TMC1: variants seen among roughly 807,000 people sequenced by gnomAD.
TMC1 encodes the protein transmembrane channel like 1, also known as transmembrane channel-like protein 1.
TMC1 carries 84 observed loss-of-function variants against 105.8 expected under a neutral mutation model. The ratio of observed to expected loss-of-function variants is 0.79; its 90% CI spans 0.67 to 0.95. TMC1 has a LOEUF of 0.95. Ranked by LOEUF, TMC1 falls within the 40% of genes least tolerant of loss-of-function variation. The pLI is 0.00. For synonymous variants in TMC1, 315 were observed against 311.5 expected (o/e 1.01, Z -0.12); for missense variants, 817 against 914.1 (o/e 0.89, Z 1.37).
chr9:72,751,436 A>G (rs1282781873), intron 10 of TMC1, among the ~76,000 whole-genome samples: 2 of 152,242 alleles, frequency 1.3e-5, no homozygotes, highest in Admixed American at 1.3e-4. Flanking sequence ...AAATAGCAGT[A>G]ATTATAATTA....
chr9:72,835,751 C>A (rs533609943), intron 23 of TMC1, among the ~76,000 whole-genome samples, 200 bp from the exon 24 acceptor site: 1 of 147,820 alleles, frequency 6.8e-6, no homozygotes, highest in East Asian at 2.0e-4. Context: ...CCTTTGCAAA[C>A]TAAGAAACAT....
chr9:72,801,157 C>G (rs1404399208), intron 17 of TMC1, among the ~76,000 whole-genome samples: 1 of 152,110 alleles, frequency 6.6e-6, no homozygotes, highest in Non-Finnish European at 1.5e-5. Context: ...AATGTGATTG[C>G]TCCTTTACTT....
chr9:72,822,491 G>T (rs1216135389), intron 20 of TMC1, among the ~76,000 whole-genome samples: 2 of 149,914 alleles, frequency 1.3e-5, no homozygotes, highest in Non-Finnish European at 3.0e-5. Context: ...GAGAACTGAT[G>T]TTGAGAAGCT....
chr9:72,756,524 A>G (rs1434844021), intron 12 of TMC1, among the ~76,000 whole-genome samples: 2 of 151,160 alleles, frequency 1.3e-5, no homozygotes, highest in Middle Eastern at 3.2e-3. Flanking sequence ...CCCTTTATTT[A>G]TCTCTCTCAC....
At chr9:72,791,203 C>G (rs533081598) in intron 15 of TMC1, among the ~76,000 whole-genome samples, 3 of 151,916 alleles carry the variant, frequency 2.0e-5, no homozygotes, top group Non-Finnish European at 2.9e-5. Flanking sequence ...CTCTCTCCCC[C>G]CTCTCCCCAC....
In TMC1 at chr9:72,730,711, T is replaced by C. The variant is rs562146555; in HGVS notation, c.363-9408T>C. Among the ~76,000 whole-genome samples, 4 of 152,288 alleles carry C rather than the reference T, an allele frequency of 2.6e-5. 1 individual carries two copies. In the South Asian group the frequency reaches 8.3e-4, roughly 32 times the overall value. On this transcript the variant is annotated intron_variant, in intron 8 of 23. Coordinates refer to ENST00000297784, the MANE Select transcript of TMC1 (RefSeq NM_138691.3). ...ATTGTAATATATAATGAAATAATTATACAACTCACCATAATGTGGAATCAG... is the reference window on the plus strand; with the variant it reads ...ATTGTAATATATAATGAAATAATTACACAACTCACCATAATGTGGAATCAG...
At chr9:72,575,624 A>G (rs182579644) in intron 1 of TMC1, among the ~76,000 whole-genome samples, 1 of 152,322 alleles carries the variant, frequency 6.6e-6, no homozygotes, top group African/African-American at 2.4e-5. Flanking sequence ...AAGCACACAC[A>G]CAGATGGTTT....
At chr9:72,698,952 G>A (rs998882586) in intron 7 of TMC1, among the ~76,000 whole-genome samples, 2 of 152,088 alleles carry the variant, frequency 1.3e-5, no homozygotes, top group East Asian at 3.9e-4. Flanking sequence ...GAAGCAGAGA[G>A]GAAGCCACAG....
At chr9:72,764,086 A>G (rs1458710330) in intron 12 of TMC1, among the ~76,000 whole-genome samples, 1 of 152,236 alleles carries the variant, frequency 6.6e-6, no homozygotes, top group Non-Finnish European at 1.5e-5. Flanking sequence ...ATTTAAACAC[A>G]TAGCACCAAA....
At chr9:72,525,371 TAA>T (rs1823387905) in intron 1 of TMC1, among the ~76,000 whole-genome samples, 1 of 152,176 alleles carries the variant, frequency 6.6e-6, no homozygotes, top group African/African-American at 2.4e-5. Flanking sequence ...CTTCATTGGC[TAA>T]AAAGTGAACC....
At chr9:72,778,889 G>C (rs894023012) in intron 13 of TMC1, among the ~76,000 whole-genome samples, 2 of 152,108 alleles carry the variant, frequency 1.3e-5, no homozygotes, top group Non-Finnish European at 2.9e-5. Flanking sequence ...CTGAAGACAA[G>C]CCTCCACCCG....
chr9:72,551,355 T>C (rs932198024), intron 1 of TMC1, among the ~76,000 whole-genome samples: 2 of 152,080 alleles, frequency 1.3e-5, no homozygotes, highest in African/African-American at 4.8e-5. Context: ...AAAGATCTTA[T>C]AGGGAAAGCA....
chr9:72,640,414 G>A (rs544178628), intron 4 of TMC1, among the ~76,000 whole-genome samples: 38 of 152,100 alleles, frequency 2.5e-4, no homozygotes, highest in Non-Finnish European at 2.9e-5. Flanking sequence ...AGCTATCCAG[G>A]CATCATCATG....
chr9:72,677,676 AT>A (rs1826224208), intron 5 of TMC1, among the ~76,000 whole-genome samples: 1 of 151,888 alleles, frequency 6.6e-6, no homozygotes, highest in Admixed American at 6.6e-5. Context: ...ATACCCTATC[AT>A]TTTTCCCCAC....
intron 1 of TMC1, among the ~76,000 whole-genome samples, chr9:72,575,830 G>A (rs1824369548): frequency 1.3e-5 from 2 of 152,102 alleles, no homozygotes; most frequent in African/African-American, 4.8e-5. Context: ...TCTCTGGAGT[G>A]GAAATGACAG....
chr9:72,647,141 CAAAAAA>C (rs1196322492), intron 4 of TMC1, among the ~76,000 whole-genome samples: 5 of 55,986 alleles, frequency 8.9e-5, no homozygotes, highest in African/African-American at 1.8e-4. Context: ...GACTCCATCT[CAAAAAA>C]AAAAAAAAAA....
At chr9:72,657,200 G>C (rs956205472) in intron 5 of TMC1, among the ~76,000 whole-genome samples, 3 of 152,178 alleles carry the variant, frequency 2.0e-5, no homozygotes, top group African/African-American at 7.2e-5. Flanking sequence ...CCTCAACTCA[G>C]TGAGACCACA....
chr9:72,607,250 C>T (rs1824937178), intron 2 of TMC1, among the ~76,000 whole-genome samples: 2 of 152,138 alleles, frequency 1.3e-5, no homozygotes, highest in Non-Finnish European at 1.5e-5. Context: ...AACAGATGAC[C>T]ATGTGAATCT....
chr9:72,705,770 G>T (rs1254978146), intron 8 of TMC1, among the ~76,000 whole-genome samples: 1 of 152,144 alleles, frequency 6.6e-6, no homozygotes, highest in Non-Finnish European at 1.5e-5. Context: ...ATTGGCTTTT[G>T]GATAGACACC....
Sources: gnomAD v4.1 joint callset for allele counts (sites outside exome capture counted in the v4.1 genomes callset) on GRCh38, gnomAD v4.1.1 for gene constraint, MANE v1.5 for transcripts, NCBI Gene and HGNC (gene_info 2026-07-23, HGNC 2026-07-21) for gene names.